TCF7L2: variants seen among roughly 807,000 people sequenced by gnomAD.
The protein encoded by TCF7L2 is transcription factor 7 like 2, also known as transcription factor 7-like 2.
In TCF7L2, 23 loss-of-function variants were observed where a neutral mutation model predicts 77.9. The observed-to-expected ratio is 0.30, with a 90% CI of 0.21 to 0.42. The LOEUF (loss-of-function observed/expected upper bound fraction) is 0.42, where lower values mean the gene tolerates loss of function less well. Among genes scored for constraint, TCF7L2 ranks in the 10% least tolerant of loss-of-function variants. The probability of loss-of-function intolerance (pLI) is 1.00; values close to 1 mark genes in which losing one functional copy is unlikely to be tolerated. For synonymous variants in TCF7L2, 413 were observed against 340.2 expected (o/e 1.21, Z -2.36); for missense variants, 654 against 793.1 (o/e 0.82, Z 2.11).
chr10:112,962,306 GC>G (rs2035467231), intron 3 of TCF7L2, among the ~76,000 whole-genome samples: 1 of 152,114 alleles, frequency 6.6e-6, no homozygotes, highest in Admixed American at 6.5e-5. Flanking sequence ...TCTGAATCAG[GC>G]GATTGGAAAA....
At chr10:113,157,192 C>T (rs142007582) in intron 11 of TCF7L2, among the ~76,000 whole-genome samples, 123 of 152,364 alleles carry the variant, frequency 8.1e-4, no homozygotes, top group African/African-American at 2.6e-3. Context: ...GATCTCGGCT[C>T]ACTGCAACCT....
At chr10:113,084,117 G>A (rs1405315912) in intron 5 of TCF7L2, among the ~76,000 whole-genome samples, 1 of 152,178 alleles carries the variant, frequency 6.6e-6, no homozygotes, top group Non-Finnish European at 1.5e-5. Flanking sequence ...ATATGCATTT[G>A]TCAGGGTTCT....
intron 5 of TCF7L2, among the ~76,000 whole-genome samples, chr10:113,057,469 C>T (rs964121705): frequency 7.2e-5 from 11 of 152,120 alleles, no homozygotes; most frequent in African/African-American, 2.4e-4. Context: ...CCGAGCCTGG[C>T]CCCAGGCAAT....
intron 6 of TCF7L2, among the ~76,000 whole-genome samples, chr10:113,143,430 A>G (rs2068743162): frequency 6.6e-6 from 1 of 152,240 alleles, no homozygotes; most frequent in South Asian, 2.1e-4. Flanking sequence ...TAGAGGAGTC[A>G]CCATTTTTGA....
chr10:113,137,612 C>T lies in TCF7L2; in HGVS notation c.553-3572C>T, dbSNP rs184547912. On this transcript the variant is annotated intron_variant, in intron 5 of 13. Transcript: ENST00000627217. Reference sequence around the variant, plus strand: ...GGCACAGTTGTAATTGAGATAGTGTCTGCAAGGGTATTGAACTGGATGGTC... The same window carrying T: ...GGCACAGTTGTAATTGAGATAGTGTTTGCAAGGGTATTGAACTGGATGGTC... Among the ~76,000 whole-genome samples the T allele has an allele frequency of 3.3e-5, 5 of 152,346 alleles. 1 individual carries two copies. The East Asian group carries it at 9.6e-4, about 29-fold the overall frequency.
In TCF7L2 at chr10:112,961,261, C is replaced by CCCCCCCCCCCCCG. The variant is rs2035087653; in HGVS notation, c.382-3289_382-3288insCCCCCCGCCCCCC. Among the ~76,000 whole-genome samples the CCCCCCCCCCCCCG allele has an allele frequency of 1.6e-5, 2 of 124,950 alleles. 1 individual carries two copies. Among genetic ancestry groups the CCCCCCCCCCCCCG allele is most frequent in the African/African-American group, 7.6e-5 (2 of 26,256 alleles). 82.0% of individuals were successfully genotyped at this position (124,950 alleles called of 152,430 possible). ...AACTCCCGACCTCAGGTGACCCCCC[C>CCCCCCCCCCCCCG]CCCCCCAACCTCGGCCTTCCAAAGC... is the stretch of plus-strand genomic sequence containing the variant. On this transcript the variant is annotated intron_variant, in intron 3 of 13. Coordinates refer to ENST00000627217, the MANE Select transcript of TCF7L2 (RefSeq NM_001146274.2).
At chr10:113,011,191 T>C (rs2046391403) in intron 4 of TCF7L2, among the ~76,000 whole-genome samples, 2 of 152,006 alleles carry the variant, frequency 1.3e-5, no homozygotes, top group Non-Finnish European at 2.9e-5. Context: ...CCTGAATGCT[T>C]AAGGCTTGGC....
chr10:113,117,312 CT>C (rs2063851417), intron 5 of TCF7L2, among the ~76,000 whole-genome samples: 3 of 150,330 alleles, frequency 2.0e-5, no homozygotes, highest in Non-Finnish European at 4.4e-5. Context: ...ATATGCTTTG[CT>C]TCTCCTAGAT....
chr10:113,146,937 A>G (rs948456647), intron 8 of TCF7L2, among the ~76,000 whole-genome samples: 1 of 152,084 alleles, frequency 6.6e-6, no homozygotes, highest in African/African-American at 2.4e-5. Flanking sequence ...GTACATTCAT[A>G]TATATTTATA....
rs762829415 is a variant in TCF7L2, at chr10:113,164,235, C to A, written c.1392-1320C>A. Among the ~76,000 whole-genome samples, 9 of 152,328 alleles carry A rather than the reference C, an allele frequency of 5.9e-5. No homozygotes were observed. The South Asian group carries it at 6.2e-4, about 11-fold the overall frequency. On this transcript the variant is annotated intron_variant, in intron 13 of 13. Transcript: ENST00000627217. ...AGCTTTGAAGTCACATGCTCAATTT[C>A]TTGAGTTGATTTTCCCCGACCTCAT... is the stretch of plus-strand genomic sequence containing the variant.
chr10:113,118,664 G>GTTTTTTTTTTTTTT (rs78459197), intron 5 of TCF7L2, among the ~76,000 whole-genome samples: 1 of 68,266 alleles, frequency 1.5e-5, no homozygotes, highest in Non-Finnish European at 3.2e-5. Flanking sequence ...GTTTTTTTTT[G>GTTTTTTTTTTTTTT]TTTTTTTTTT....
In TCF7L2 at chr10:113,151,436, G is replaced by C. The variant is rs1317562213; in HGVS notation, c.1002-289G>C. Among the ~76,000 whole-genome samples the C allele has an allele frequency of 2.6e-5, 4 of 152,102 alleles. No homozygotes were observed. Among genetic ancestry groups the C allele is most frequent in the Admixed American group, 6.5e-5 (1 of 15,270 alleles). On this transcript the variant is annotated intron_variant, in intron 9 of 13. Coordinates refer to ENST00000627217, the MANE Select transcript of TCF7L2 (RefSeq NM_001146274.2). The surrounding 1 kb of genome is among the most constrained non-coding windows in gnomAD (Gnocchi z 5.2). ...TTAGAGCTTTGTTCTGCAAGCAGGA[G>C]AAAACCCTGCCGAGGTGAAGACAGC... is the stretch of plus-strand genomic sequence containing the variant.
chr10:113,031,565 A>G (rs1462068366), intron 4 of TCF7L2, among the ~76,000 whole-genome samples: 1 of 148,412 alleles, frequency 6.7e-6, no homozygotes, highest in East Asian at 2.0e-4. Context: ...TTGGCTCACT[A>G]TAACCTCTGC....
At chr10:113,100,217 C>T (rs74157214) in intron 5 of TCF7L2, among the ~76,000 whole-genome samples, 3,642 of 152,278 alleles carry the variant, frequency 0.024, 166 homozygotes, top group African/African-American at 0.084. Flanking sequence ...CCCGAGAGCA[C>T]GGGTACCTAG....
chr10:112,981,319 AAAT>A (rs2040433387), intron 4 of TCF7L2, among the ~76,000 whole-genome samples: 1 of 152,028 alleles, frequency 6.6e-6, no homozygotes, highest in African/African-American at 2.4e-5. Context: ...AAAAAAAAAA[AAAT>A]AAAGAAAGAA....
At chr10:113,126,174 T>C (rs1207298924) in intron 5 of TCF7L2, 2 of 151,906 alleles carry the variant, frequency 1.3e-5, no homozygotes, top group Admixed American at 1.3e-4. Flanking sequence ...TTCTTTTACA[T>C]ATGGGTGTTT....
chr10:112,956,621 A>T (rs941001035), intron 3 of TCF7L2, among the ~76,000 whole-genome samples: 3 of 152,080 alleles, frequency 2.0e-5, no homozygotes, highest in Non-Finnish European at 2.9e-5. Flanking sequence ...TTCAACTCTG[A>T]CTTATAATTG....
In TCF7L2 at chr10:112,950,519, G is replaced by C. The variant is rs2030678145; in HGVS notation, c.-238G>C. ...ACATTGATCGGATCCTTGGGAACGA[G>C]AGAAAAAAGAAACCCAAACTCACGC... is the stretch of plus-strand genomic sequence containing the variant. On this transcript the variant is annotated 5_prime_UTR_variant, in exon 1 of 14. Transcript: ENST00000627217. 1 of 443,010 alleles carries C rather than the reference G, an allele frequency of 2.3e-6. No homozygotes were observed. The highest frequency in any genetic ancestry group is 3.7e-5 in the South Asian group (1 of 27,300). The allele number at this position is 443,010 out of a possible 1,614,324, so 27.4% of individuals were successfully genotyped here.
intron 4 of TCF7L2, among the ~76,000 whole-genome samples, chr10:112,976,698 C>G (rs1322450728): frequency 6.6e-6 from 1 of 152,092 alleles, no homozygotes; most frequent in African/African-American, 2.4e-5. Context: ...AATAACAGCC[C>G]CTTTTATAAT....
Sources: gnomAD v4.1 joint callset for allele counts (sites outside exome capture counted in the v4.1 genomes callset) on GRCh38, gnomAD v4.1.1 for gene constraint, Gnocchi (gnomAD v3.1) non-coding constraint, MANE v1.5 for transcripts, NCBI Gene and HGNC (gene_info 2026-07-23, HGNC 2026-07-21) for gene names.